Variants in ZSCAN4 observed in about 807,000 individuals in gnomAD.
The protein encoded by ZSCAN4 is zinc finger and SCAN domain containing 4, also known as zinc finger and SCAN domain-containing protein 4.
ZSCAN4 carries 18 observed loss-of-function variants against 18.3 expected under a neutral mutation model. The observed-to-expected ratio is 0.98, with a 90% CI of 0.68 to 1.46. The LOEUF is 1.46. ZSCAN4 is among the 40% of genes most tolerant of loss of function. ZSCAN4 has a pLI of 0.00. For missense variants in ZSCAN4, 498 were observed against 511.4 expected (o/e 0.97, Z 0.25); for synonymous variants, 193 against 180.3 (o/e 1.07, Z -0.57).
At chr19:57,671,080 T>C (rs1315529603) in intron 2 of ZSCAN4, among the ~76,000 whole-genome samples, 4 of 152,114 alleles carry the variant, frequency 2.6e-5, no homozygotes, top group Non-Finnish European at 5.9e-5. Flanking sequence ...CAGTGTGGTC[T>C]CAAACTCCTG....
the ZSCAN4 span, among the ~76,000 whole-genome samples, chr19:57,654,705 C>A: frequency 6.6e-6 from 1 of 152,180 alleles, no homozygotes; most frequent in Non-Finnish European, 1.5e-5. Context: ...ATCCCCCCAC[C>A]TCCACCACTC....
Position 57,676,549 on chromosome 19 carries a change from C to T in ZSCAN4, c.396+8C>T. The T allele has an allele frequency of 6.2e-7, 1 of 1,601,054 alleles. No homozygotes were observed. The highest frequency in any genetic ancestry group is 8.5e-7 in the Non-Finnish European group (1 of 1,173,908). On this transcript the variant is annotated splice_region_variant and intron_variant, in intron 3 of 4. Coordinates refer to ENST00000318203, the Ensembl canonical transcript of ZSCAN4. ...ATAAATCCACCTGCCTTAGTGAGTA[C>T]AGGGTTCTAACTTCTGGGATGAGAG...
intron 2 of ZSCAN4, among the ~76,000 whole-genome samples, chr19:57,671,113 T>G (rs1423670133): frequency 6.6e-6 from 1 of 152,156 alleles, no homozygotes; most frequent in Non-Finnish European, 1.5e-5. Flanking sequence ...TTGCCCACTT[T>G]CAGCCTCCAA....
exon 5 of ZSCAN4, chr19:57,679,022 C>A: frequency 8.0e-7 from 1 of 1,243,384 alleles, no homozygotes; most frequent in Non-Finnish European, 1.1e-6. Context: ...TATTGTCTTG[C>A]TTCATTAAAA....
At chr19:57,662,398 T>C in the ZSCAN4 span, among the ~76,000 whole-genome samples, 23 of 152,170 alleles carry the variant, frequency 1.5e-4, no homozygotes, top group African/African-American at 5.5e-4. Context: ...ATTCTATGTA[T>C]TTAAATATCT....
upstream of ZSCAN4, among the ~76,000 whole-genome samples, chr19:57,664,039 G>A (rs1440774645): frequency 1.3e-5 from 2 of 152,194 alleles, no homozygotes; most frequent in Admixed American, 6.5e-5. Context: ...GCTGAGGCAG[G>A]AGAATGGCTT....
exon 4 of ZSCAN4, chr19:57,678,074 G>A (rs1198994506): frequency 1.9e-6 from 3 of 1,582,836 alleles, no homozygotes; most frequent in Non-Finnish European, 2.6e-6. Context: ...TTAGAAACAG[G>A]ACAAGGTAAG....
chr19:57,655,304 C>T, the ZSCAN4 span, among the ~76,000 whole-genome samples: 6 of 152,118 alleles, frequency 3.9e-5, no homozygotes, highest in Non-Finnish European at 5.9e-5. Context: ...CCATTGACTC[C>T]CAGTTCAAAA....
upstream of ZSCAN4, among the ~76,000 whole-genome samples, chr19:57,667,331 C>T (rs533842767): frequency 3.6e-4 from 55 of 152,296 alleles, no homozygotes; most frequent in South Asian, 1.0e-3. Context: ...TACACAGTGG[C>T]TGTGTGTCTT....
intron 2 of ZSCAN4, among the ~76,000 whole-genome samples, chr19:57,674,689 C>A (rs774505387): frequency 1.3e-5 from 2 of 152,064 alleles, no homozygotes; most frequent in African/African-American, 2.4e-5. Flanking sequence ...AGATACTGAG[C>A]TGGATCAAAT....
chr19:57,656,211 A>G, the ZSCAN4 span, among the ~76,000 whole-genome samples: 1 of 152,194 alleles, frequency 6.6e-6, no homozygotes, highest in Non-Finnish European at 1.5e-5. Flanking sequence ...TACAGATGCC[A>G]TAACCAAGGG....
chr19:57,674,680 G>C (rs1046899544), intron 2 of ZSCAN4, among the ~76,000 whole-genome samples: 6 of 152,042 alleles, frequency 3.9e-5, no homozygotes, highest in Non-Finnish European at 7.4e-5. Context: ...CTTTTGAGTA[G>C]ATACTGAGCT....
chr19:57,665,922 A>C (rs1197873858), upstream of ZSCAN4, among the ~76,000 whole-genome samples: 1 of 152,102 alleles, frequency 6.6e-6, no homozygotes, highest in African/African-American at 2.4e-5. Flanking sequence ...CAATAATAAT[A>C]CTGATACTTA....
the ZSCAN4 span, among the ~76,000 whole-genome samples, chr19:57,653,183 A>C: frequency 1.3e-5 from 2 of 152,114 alleles, no homozygotes; most frequent in African/African-American, 4.8e-5. Flanking sequence ...CTTGATGAAA[A>C]TCCTGCTCTT....
intron 2 of ZSCAN4, among the ~76,000 whole-genome samples, chr19:57,671,522 G>C (rs1432607490): frequency 2.0e-5 from 3 of 151,240 alleles, no homozygotes; most frequent in Non-Finnish European, 2.9e-5. Context: ...GAGAGAGAGA[G>C]AGACCAATGT....
upstream of ZSCAN4, among the ~76,000 whole-genome samples, chr19:57,666,593 AAAG>A (rs1983856822): frequency 6.6e-6 from 1 of 151,350 alleles, no homozygotes. Context: ...AAAAAAAAGA[AAAG>A]AAAGTCACCA....
intron 2 of ZSCAN4, among the ~76,000 whole-genome samples, chr19:57,672,173 T>A (rs1305656370): frequency 2.6e-5 from 4 of 152,038 alleles, no homozygotes; most frequent in South Asian, 2.1e-4. Flanking sequence ...TAAACATCAG[T>A]AGGAAAGGAC....
exon 5 of ZSCAN4, chr19:57,678,877 G>A (rs372874180): frequency 3.1e-6 from 5 of 1,609,642 alleles, no homozygotes; most frequent in Non-Finnish European, 4.2e-6. Context: ...ACCCTGCCAA[G>A]TGTTCCCTCC....
the ZSCAN4 span, among the ~76,000 whole-genome samples, chr19:57,658,695 A>G: frequency 6.6e-6 from 1 of 151,934 alleles, no homozygotes; most frequent in African/African-American, 2.4e-5. Flanking sequence ...TTAGCTAGGC[A>G]TGGTGGCACG....
Sources: gnomAD v4.1 joint callset for allele counts (sites outside exome capture counted in the v4.1 genomes callset) on GRCh38, gnomAD v4.1.1 for gene constraint, MANE v1.5 for transcripts, NCBI Gene and HGNC (gene_info 2026-07-23, HGNC 2026-07-21) for gene names.